The following TIAM1 variants were observed in gnomAD, a reference collection of about 807,000 sequenced individuals.
TIAM1 encodes the protein TIAM Rac1 associated GEF 1.
In TIAM1, 65 loss-of-function variants were observed where a neutral mutation model predicts 163.5. The ratio of observed to expected loss-of-function variants is 0.40; its 90% CI spans 0.33 to 0.49. The LOEUF (loss-of-function observed/expected upper bound fraction) is 0.49, where lower values mean the gene tolerates loss of function less well. Ranked by LOEUF, TIAM1 falls within the 20% of genes least tolerant of loss-of-function variation. The probability of loss-of-function intolerance (pLI) is 0.77; values close to 1 mark genes in which losing one functional copy is unlikely to be tolerated. For synonymous variants in TIAM1, 833 were observed against 810.1 expected, an observed-to-expected ratio of 1.03 and a Z score of -0.48; for missense variants, 1,789 against 2,044.7, an observed-to-expected ratio of 0.87 and a Z score of 2.41.
chr21:31,418,510 A>G (rs2147254237), intron 2 of TIAM1, among the ~76,000 whole-genome samples: 1 of 152,190 alleles, frequency 6.6e-6, no homozygotes, highest in South Asian at 2.1e-4. Context: ...AAAATGGCCA[A>G]GGGTGTCCAC....
rs1428051227 is a variant in TIAM1 at position 31,210,737 on chromosome 21, AGGAAGGAAGGG to A, written c.2218-533_2218-523del. Among the ~76,000 whole-genome samples, 584 of 113,022 alleles carry A rather than the reference AGGAAGGAAGGG, an allele frequency of 5.2e-3. 12 individuals are homozygous for A. Among genetic ancestry groups the A allele is most frequent in the East Asian group, 0.023 (63 of 2,792 alleles). The allele number at this position is 113,022 out of a possible 152,430, so 74.1% of individuals were successfully genotyped here. On this transcript the variant is annotated intron_variant, in intron 10 of 27. Transcript: ENST00000541036. ...AAAGAGAAAGAAAGAAAGAGAAAGA[AGGAAGGAAGGG>A]AGAAAGAAAGAAAGAAAGAAAGAAA...
chr21:31,302,577 T>C (rs1002692402), intron 2 of TIAM1, among the ~76,000 whole-genome samples: 1 of 152,200 alleles, frequency 6.6e-6, no homozygotes, highest in Non-Finnish European at 1.5e-5. Flanking sequence ...TTCCACTTAA[T>C]GTAATCCATG....
Position 31,436,552 on chromosome 21 carries a change from G to C in TIAM1, c.-369+27431C>G, listed in dbSNP as rs548926908. ...TGAGGCACAAGAATCACTTGAACCT[G>C]GGAGGTAGAGGTTGCAGTGAGCTGA... is the stretch of plus-strand genomic sequence containing the variant. On this transcript the variant is annotated intron_variant, in intron 2 of 28. Transcript: ENST00000286827. Among the ~76,000 whole-genome samples, 54 of 152,038 alleles carry C rather than the reference G, an allele frequency of 3.6e-4. 1 individual carries two copies. The South Asian group carries it at 0.01, about 29-fold the overall frequency.
At chr21:31,179,726 G>C (rs1165758502) in intron 15 of TIAM1, among the ~76,000 whole-genome samples, 1 of 151,912 alleles carries the variant, frequency 6.6e-6, no homozygotes, top group African/African-American at 2.4e-5. Flanking sequence ...CAAAAGACCA[G>C]ACAGCAACTG....
intron 2 of TIAM1, among the ~76,000 whole-genome samples, chr21:31,414,677 A>G (rs1408200765): frequency 6.6e-6 from 1 of 152,252 alleles, no homozygotes; most frequent in Non-Finnish European, 1.5e-5. Flanking sequence ...TCTGAAGGAC[A>G]GGTGTCTGGG....
At chr21:31,194,193 G>A (rs2085727283) in intron 13 of TIAM1, among the ~76,000 whole-genome samples, 1 of 151,738 alleles carries the variant, frequency 6.6e-6, no homozygotes, top group African/African-American at 2.4e-5. Flanking sequence ...CCGCATCCTC[G>A]ATTCCCTTGG....
intron 2 of TIAM1, among the ~76,000 whole-genome samples, chr21:31,287,292 A>C (rs541854418): frequency 5.3e-5 from 8 of 152,366 alleles, no homozygotes; most frequent in Non-Finnish European, 1.0e-4. Flanking sequence ...TGGGTAAGAC[A>C]GAGTATCTAT....
At chr21:31,383,430 T>C (rs762534033) in intron 2 of TIAM1, among the ~76,000 whole-genome samples, 1 of 152,120 alleles carries the variant, frequency 6.6e-6, no homozygotes, top group Non-Finnish European at 1.5e-5. Flanking sequence ...CTAGGCTATA[T>C]CCCACTCCCC....
chr21:31,431,593 T>C (rs536564688), intron 2 of TIAM1, among the ~76,000 whole-genome samples: 5 of 152,358 alleles, frequency 3.3e-5, no homozygotes, highest in African/African-American at 1.2e-4. Flanking sequence ...CTTTTTAAAA[T>C]ACAGTCATAT....
chr21:31,457,388 G>A (rs1304649248), intron 2 of TIAM1, among the ~76,000 whole-genome samples: 2 of 152,110 alleles, frequency 1.3e-5, no homozygotes, highest in Non-Finnish European at 2.9e-5. Context: ...CAATGACAAC[G>A]ACATTAACAG....
chr21:31,295,208 C>T (rs1416800769), intron 2 of TIAM1, among the ~76,000 whole-genome samples: 7 of 152,120 alleles, frequency 4.6e-5, no homozygotes, highest in East Asian at 1.9e-4. Context: ...CGGTGGCTTA[C>T]GCCTGCAATC....
intron 1 of TIAM1, among the ~76,000 whole-genome samples, chr21:31,512,612 C>CT (rs2047246348): frequency 7.5e-6 from 1 of 133,770 alleles, no homozygotes; most frequent in African/African-American, 2.9e-5. Context: ...TTTCTTTTTT[C>CT]TTTTCTTTTT....
At chr21:31,543,147 T>C (rs565744904) in intron 1 of TIAM1, among the ~76,000 whole-genome samples, 1 of 152,144 alleles carries the variant, frequency 6.6e-6, no homozygotes, top group East Asian at 1.9e-4. Flanking sequence ...TGCCTCTTCC[T>C]ATACATCAGT....
intron 1 of TIAM1, among the ~76,000 whole-genome samples, chr21:31,492,748 A>G (rs1348333011): frequency 6.6e-6 from 1 of 151,162 alleles, no homozygotes; most frequent in South Asian, 2.1e-4. Flanking sequence ...AACTTTCTAA[A>G]TTGATTGAGA....
At chr21:31,208,223 T>A (rs2086553015) in intron 11 of TIAM1, among the ~76,000 whole-genome samples, 1 of 152,232 alleles carries the variant, frequency 6.6e-6, no homozygotes, top group Admixed American at 6.5e-5. Context: ...CTGATCAATC[T>A]TCCACCAATC....
intron 2 of TIAM1, among the ~76,000 whole-genome samples, chr21:31,398,302 C>G (rs929146391): frequency 1.3e-5 from 2 of 151,730 alleles, no homozygotes; most frequent in African/African-American, 4.8e-5. Flanking sequence ...AACAATCTTA[C>G]TTTTTATGCC....
intron 6 of TIAM1, among the ~76,000 whole-genome samples, chr21:31,242,860 CAAAAAA>C (rs11417948): frequency 0.014 from 1,295 of 95,054 alleles, 18 homozygotes; most frequent in African/African-American, 0.05. Context: ...GACTCTGTCT[CAAAAAA>C]AAAAAAAAAA....
chr21:31,543,328 G>A (rs149073422), intron 1 of TIAM1, among the ~76,000 whole-genome samples: 57 of 152,328 alleles, frequency 3.7e-4, no homozygotes, highest in African/African-American at 1.2e-3. Flanking sequence ...GCAATGACCT[G>A]CGCGTCATGC....
chr21:31,355,599 T>C (rs1220132964), intron 2 of TIAM1, among the ~76,000 whole-genome samples: 1 of 151,966 alleles, frequency 6.6e-6, no homozygotes, highest in East Asian at 1.9e-4. Flanking sequence ...TTGCTCAGGC[T>C]GGAGTGCAGT....
Sources: allele counts gnomAD v4.1 joint callset (sites outside exome capture counted in the v4.1 genomes callset), GRCh38; gene constraint gnomAD v4.1.1; transcripts MANE v1.5; gene names NCBI Gene and HGNC (gene_info 2026-07-23, HGNC 2026-07-21).